The following CELF2 variants were observed in gnomAD, a reference collection of about 807,000 sequenced individuals.
The protein encoded by CELF2 is CUGBP Elav-like family member 2, also known as CUG triplet repeat RNA-binding protein 2.
A neutral mutation model predicts 62.6 loss-of-function variants in CELF2; 8 were observed. The ratio of observed to expected loss-of-function variants is 0.13; its 90% CI spans 0.07 to 0.23. The LOEUF is 0.23. CELF2 is among the 10% of genes least tolerant of loss of function. CELF2 has a pLI of 1.00. For synonymous variants in CELF2, 258 were observed against 250.0 expected, an observed-to-expected ratio of 1.03 and a Z score of -0.30; for missense variants, 333 against 671.0, an observed-to-expected ratio of 0.50 and a Z score of 5.56.
the CELF2 span, among the ~76,000 whole-genome samples, chr10:10,648,194 A>G: frequency 3.9e-5 from 6 of 152,276 alleles, no homozygotes; most frequent in African/African-American, 1.4e-4. Flanking sequence ...GACGTCATTT[A>G]CCTGAAGCCC....
At chr10:11,149,321 C>G (rs2062867001) in intron 1 of CELF2, among the ~76,000 whole-genome samples, 1 of 152,200 alleles carries the variant, frequency 6.6e-6, no homozygotes, top group South Asian at 2.1e-4. Context: ...CCACTTGCCT[C>G]AGCCTCCCAA....
the CELF2 span, among the ~76,000 whole-genome samples, chr10:10,481,985 G>T: frequency 6.6e-6 from 1 of 152,120 alleles, no homozygotes; most frequent in Non-Finnish European, 1.5e-5. Flanking sequence ...CCACATTTTG[G>T]ATGTTCTTAA....
chr10:10,893,906 G>A (rs747288453), intron 1 of CELF2, among the ~76,000 whole-genome samples: 1 of 152,086 alleles, frequency 6.6e-6, no homozygotes, highest in Non-Finnish European at 1.5e-5. Flanking sequence ...CCAACACTGG[G>A]GGTTACAATT....
chr10:10,924,724 C>CTTTTTTTTTTTTTTTTTT lies in CELF2; in HGVS notation c.89+4726_89+4743dup, dbSNP rs745848953. Among the ~76,000 whole-genome samples, 46 of 89,156 alleles carry CTTTTTTTTTTTTTTTTTT rather than the reference C, an allele frequency of 5.2e-4. 2 individuals carry two copies. The highest frequency in any genetic ancestry group is 0.01 in the Middle Eastern group (1 of 98). The allele number at this position is 89,156 out of a possible 152,430, so 58.5% of individuals were successfully genotyped here. A position where few individuals can be genotyped will look rare whatever the true frequency, so the allele number is the denominator to read the frequency against. On this transcript the variant is annotated intron_variant, in intron 2 of 13. Coordinates refer to the CELF2 transcript ENST00000636488. ...GTATATTAATCCAGTAACTTGATCG[C>CTTTTTTTTTTTTTTTTTT]TTTTTTTTTTTTTTTTTTGCCTTCT...
chr10:11,048,165 A>T (rs1379761825), intron 1 of CELF2, among the ~76,000 whole-genome samples: 1 of 152,220 alleles, frequency 6.6e-6, no homozygotes, highest in Non-Finnish European at 1.5e-5. Flanking sequence ...TCACTAGAAA[A>T]TGTCAAGAAA....
At chr10:10,939,485 C>T in intron 2 of CELF2, among the ~76,000 whole-genome samples, 1 of 151,898 alleles carries the variant, frequency 6.6e-6, no homozygotes, top group East Asian at 2.0e-4. Flanking sequence ...AGGGTTTCAC[C>T]ATGTTGGCCA....
At chr10:10,760,390 C>T in the CELF2 span, among the ~76,000 whole-genome samples, 1 of 152,346 alleles carries the variant, frequency 6.6e-6, no homozygotes, top group East Asian at 1.9e-4. Context: ...GACTGTGCTA[C>T]TGTGACTTGG....
the CELF2 span, among the ~76,000 whole-genome samples, chr10:10,720,369 G>A: frequency 1.3e-5 from 2 of 152,164 alleles, no homozygotes; most frequent in Admixed American, 6.5e-5. Flanking sequence ...GCTGCCCGGA[G>A]ATGGCTCTCA....
chr10:11,161,953 A>C (rs1196124996), intron 1 of CELF2, among the ~76,000 whole-genome samples: 7 of 152,238 alleles, frequency 4.6e-5, no homozygotes, highest in Non-Finnish European at 1.0e-4. Flanking sequence ...CAGCCCCATG[A>C]GGATGAAAGA....
At chr10:10,672,039 T>C in the CELF2 span, among the ~76,000 whole-genome samples, 11 of 152,322 alleles carry the variant, frequency 7.2e-5, 2 homozygotes, top group East Asian at 2.1e-3. Flanking sequence ...CTGTATGTCT[T>C]CTTAAGTGAG....
chr10:10,657,859 A>C, the CELF2 span, among the ~76,000 whole-genome samples: 1 of 152,208 alleles, frequency 6.6e-6, no homozygotes, highest in Non-Finnish European at 1.5e-5. Flanking sequence ...TTCATAAGCA[A>C]ATAATAATCA....
chr10:10,530,396 A>T, the CELF2 span, among the ~76,000 whole-genome samples: 6,698 of 152,306 alleles, frequency 0.044, 472 homozygotes, highest in African/African-American at 0.15. Flanking sequence ...TTTTGTTGTC[A>T]AGATACTGAA....
At chr10:10,596,695 C>T in the CELF2 span, among the ~76,000 whole-genome samples, 1 of 152,340 alleles carries the variant, frequency 6.6e-6, no homozygotes, top group Non-Finnish European at 1.5e-5. Context: ...GGCATTTGTC[C>T]TCTTGTCCTT....
chr10:10,479,876 C>T, the CELF2 span, among the ~76,000 whole-genome samples: 1 of 152,148 alleles, frequency 6.6e-6, no homozygotes, highest in African/African-American at 2.4e-5. Context: ...CACAATTTAA[C>T]CCTTTTTACC....
the CELF2 span, among the ~76,000 whole-genome samples, chr10:10,745,622 C>T: frequency 1.3e-5 from 2 of 152,182 alleles, no homozygotes; most frequent in African/African-American, 4.8e-5. Context: ...CATTTCCCTC[C>T]ATTGAGTATA....
At chr10:10,560,490 T>G in the CELF2 span, among the ~76,000 whole-genome samples, 1 of 152,180 alleles carries the variant, frequency 6.6e-6, no homozygotes, top group Non-Finnish European at 1.5e-5. Flanking sequence ...AGATCCATCC[T>G]ACCCTGTCTT....
At chr10:11,154,718 C>T (rs766280577) in intron 1 of CELF2, among the ~76,000 whole-genome samples, 1 of 152,218 alleles carries the variant, frequency 6.6e-6, no homozygotes, top group Non-Finnish European at 1.5e-5. Flanking sequence ...TTTTAAACCT[C>T]ATCAATCATC....
intron 1 of CELF2, among the ~76,000 whole-genome samples, chr10:10,857,454 C>A (rs1206805783): frequency 2.0e-5 from 3 of 151,688 alleles, no homozygotes; most frequent in Non-Finnish European, 2.9e-5. Context: ...AAAAACAAAT[C>A]TCAGAAGGCT....
intron 2 of CELF2, among the ~76,000 whole-genome samples, chr10:10,930,405 C>A (rs1310336604): frequency 6.6e-6 from 1 of 152,088 alleles, no homozygotes; most frequent in Admixed American, 6.6e-5. Context: ...CTCTGTAATT[C>A]AAAGCTATGT....
Sources: gnomAD v4.1 joint callset for allele counts (sites outside exome capture counted in the v4.1 genomes callset) on GRCh38, gnomAD v4.1.1 for gene constraint, MANE v1.5 for transcripts, NCBI Gene and HGNC (gene_info 2026-07-23, HGNC 2026-07-21) for gene names.